Variants in MALRD1 observed in about 807,000 individuals in gnomAD.
MALRD1 encodes the protein MAM and LDL-receptor class A domain-containing protein 1.
Under a neutral mutation model 242.1 loss-of-function variants are expected in MALRD1, and 247 were observed. The ratio of observed to expected loss-of-function variants is 1.02; its 90% confidence interval spans 0.92 to 1.13. The LOEUF (loss-of-function observed/expected upper bound fraction) is 1.13. Among genes scored for constraint, MALRD1 ranks in the 50% most tolerant of loss-of-function variants. The pLI is 0.00. For synonymous variants in MALRD1, 995 were observed against 866.6 expected (o/e 1.15, Z -2.60); for missense variants, 2,989 against 2,533.1 (o/e 1.18, Z -3.86).
chr10:19,157,233 G>C (rs1034168936), intron 12 of MALRD1, among the ~76,000 whole-genome samples: 4 of 149,840 alleles, frequency 2.7e-5, no homozygotes, highest in African/African-American at 9.8e-5. Context: ...TTTTTAATAA[G>C]TTTGTGGCAA....
At chr10:19,646,336 G>A (rs1840654165) in intron 36 of MALRD1, among the ~76,000 whole-genome samples, 1 of 152,166 alleles carries the variant, frequency 6.6e-6, no homozygotes, top group Non-Finnish European at 1.5e-5. Context: ...CGGCCCAGTG[G>A]CTCATGCCTA....
In MALRD1 at chr10:19,493,618, G is replaced by A. The variant is rs190960981; in HGVS notation, c.5158+1973G>A. 3.7e-3 allele frequency among the ~76,000 whole-genome samples: 550 copies of A among 150,014 alleles called. 3 individuals are homozygous for A. The highest frequency in any genetic ancestry group is 0.013 in the African/African-American group (516 of 40,592). ...AGGTCAGGAGTTCAAGACCAGCCTG[G>A]CCAACATGGTGAAACCCCGTCTCTA... On this transcript the variant is annotated intron_variant, in intron 30 of 39. Coordinates refer to ENST00000454679, the MANE Select transcript of MALRD1 (RefSeq NM_001142308.3).
intron 33 of MALRD1, among the ~76,000 whole-genome samples, chr10:19,594,964 G>T (rs773522570): frequency 9.2e-5 from 14 of 151,962 alleles, no homozygotes; most frequent in Non-Finnish European, 2.1e-4. Context: ...AAAACCACCT[G>T]TTCCCCCCAA....
At chr10:19,419,073 C>A (rs983652503) in intron 28 of MALRD1, among the ~76,000 whole-genome samples, 1 of 152,114 alleles carries the variant, frequency 6.6e-6, no homozygotes, top group Non-Finnish European at 1.5e-5. Context: ...GTATGCACAC[C>A]CTTCTCCAGC....
At chr10:19,271,218 A>C (rs901088588) in intron 19 of MALRD1, among the ~76,000 whole-genome samples, 1 of 152,220 alleles carries the variant, frequency 6.6e-6, no homozygotes, top group Non-Finnish European at 1.5e-5. Flanking sequence ...GCTAACTACA[A>C]TATATTTTCA....
At chr10:19,443,119 G>A (rs979467954) in intron 28 of MALRD1, among the ~76,000 whole-genome samples, 1 of 152,154 alleles carries the variant, frequency 6.6e-6, no homozygotes, top group Non-Finnish European at 1.5e-5. Context: ...GGTGTTTATA[G>A]TATTCTCTGA....
chr10:19,107,280 T>C (rs1836497004), intron 5 of MALRD1, among the ~76,000 whole-genome samples: 1 of 152,048 alleles, frequency 6.6e-6, no homozygotes, highest in South Asian at 2.1e-4. Context: ...ATACATCTAA[T>C]AATGTTTGCT....
intron 18 of MALRD1, among the ~76,000 whole-genome samples, chr10:19,243,508 G>T (rs997846475): frequency 2.0e-5 from 3 of 151,928 alleles, no homozygotes; most frequent in African/African-American, 7.3e-5. Context: ...AATTTTTGTT[G>T]CTCTTCTTAC....
chr10:19,058,519 G>A (rs148180750), intron 1 of MALRD1, among the ~76,000 whole-genome samples: 4 of 152,082 alleles, frequency 2.6e-5, no homozygotes, highest in Non-Finnish European at 5.9e-5. Flanking sequence ...GAAGACCTTT[G>A]TAAGTGTTAA....
chr10:19,358,492 C>T (rs1451463396), intron 26 of MALRD1, among the ~76,000 whole-genome samples: 5 of 152,174 alleles, frequency 3.3e-5, no homozygotes, highest in Admixed American at 6.6e-5. Context: ...TAAATAATTT[C>T]GTGAAACCTA....
chr10:19,237,608 ATAAT>A (rs1361926541), intron 18 of MALRD1, among the ~76,000 whole-genome samples: 1,423 of 18,550 alleles, frequency 0.077, 72 homozygotes, highest in East Asian at 0.51. Context: ...AATTATAATT[ATAAT>A]TATATAATTA....
intron 13 of MALRD1, among the ~76,000 whole-genome samples, chr10:19,173,844 T>C (rs1835110346): frequency 6.6e-6 from 1 of 152,204 alleles, no homozygotes; most frequent in Non-Finnish European, 1.5e-5. Flanking sequence ...TTATTTCTTA[T>C]ACAGCATTTA....
intron 13 of MALRD1, among the ~76,000 whole-genome samples, chr10:19,174,824 A>T (rs2131540584): frequency 6.6e-6 from 1 of 152,200 alleles, no homozygotes; most frequent in South Asian, 2.1e-4. Flanking sequence ...GAAATAAATC[A>T]TTGCCTTCAG....
At chr10:19,638,974 G>A (rs551277803) in intron 36 of MALRD1, among the ~76,000 whole-genome samples, 1 of 152,100 alleles carries the variant, frequency 6.6e-6, no homozygotes, top group South Asian at 2.1e-4. Context: ...GCTTTATCTC[G>A]GGGTTGTTTG....
chr10:19,212,261 A>G (rs1171184788), intron 18 of MALRD1, among the ~76,000 whole-genome samples: 1 of 152,160 alleles, frequency 6.6e-6, no homozygotes. Flanking sequence ...CTGGCCCTTA[A>G]CAACCACCGA....
intron 36 of MALRD1, among the ~76,000 whole-genome samples, chr10:19,650,183 T>A (rs528153655): frequency 6.6e-6 from 1 of 152,286 alleles, no homozygotes; most frequent in African/African-American, 2.4e-5. Context: ...GATGGCAGAA[T>A]AAAGATTCAG....
chr10:19,352,004 A>C lies in MALRD1; in HGVS notation c.4150-2A>C, dbSNP rs1554837747. 6.5e-7 allele frequency: 1 copy of C among 1,541,414 alleles called. No homozygotes were observed. The highest frequency in any genetic ancestry group is 8.8e-7 in the Non-Finnish European group (1 of 1,139,268). On this transcript the variant is annotated splice_acceptor_variant, in intron 25 of 39. Coordinates refer to ENST00000454679, the MANE Select transcript of MALRD1 (RefSeq NM_001142308.3). LOFTEE classifies it high-confidence loss of function. ...ATGTAATATTCCTATTCTTGATTACAGATTATTTTTCATTATCACATGTAT... is the reference window on the plus strand; with the variant it reads ...ATGTAATATTCCTATTCTTGATTACCGATTATTTTTCATTATCACATGTAT...
chr10:19,156,556 T>C (rs1239851735), intron 12 of MALRD1, among the ~76,000 whole-genome samples: 3 of 151,442 alleles, frequency 2.0e-5, no homozygotes, highest in Non-Finnish European at 2.9e-5. Flanking sequence ...TACATTAAAG[T>C]GATGAGATCA....
rs893579687 is a variant in MALRD1 at position 19,734,273 on chromosome 10, T to A, written c.*36T>A. On this transcript the variant is annotated 3_prime_UTR_variant, in exon 40 of 40. Coordinates refer to ENST00000454679, the MANE Select transcript of MALRD1 (RefSeq NM_001142308.3). ...ACCAAGTCTGATCCAACATGTGTAG[T>A]TTCTAGAAAATTGAAGTCTCCACAA... 3 of 1,497,856 alleles carry A rather than the reference T, an allele frequency of 2.0e-6. No individual in the cohort carries two copies. The African/African-American group carries it at 4.2e-5, about 21-fold the overall frequency. 92.8% of individuals were successfully genotyped at this position (1,497,856 alleles called of 1,614,324 possible). A position where few individuals can be genotyped will look rare whatever the true frequency, so the allele number is the denominator to read the frequency against.
Sources: gnomAD v4.1 joint callset for allele counts (sites outside exome capture counted in the v4.1 genomes callset) on GRCh38, gnomAD v4.1.1 for gene constraint, MANE v1.5 for transcripts, NCBI Gene and HGNC (gene_info 2026-07-23, HGNC 2026-07-21) for gene names.